Variants in HMGCLL1 observed in about 807,000 individuals in gnomAD.
The protein encoded by HMGCLL1 is 3-hydroxy-3-methylglutaryl-CoA lyase like 1, also known as 3-hydroxymethyl-3-methylglutaryl-CoA lyase, cytoplasmic.
In HMGCLL1, 36 loss-of-function variants were observed where a neutral mutation model predicts 39.1. The ratio of observed to expected loss-of-function variants is 0.92; its 90% CI spans 0.71 to 1.22. HMGCLL1 has a LOEUF of 1.22. Among genes scored for constraint, HMGCLL1 ranks in the 50% most tolerant of loss-of-function variants. The pLI, the probability that HMGCLL1 is intolerant of heterozygous loss-of-function variation, is 0.00. For synonymous variants in HMGCLL1, 149 were observed against 144.0 expected, an observed-to-expected ratio of 1.03 and a Z score of -0.25; for missense variants, 451 against 416.5, an observed-to-expected ratio of 1.08 and a Z score of -0.72.
intron 8 of HMGCLL1, among the ~76,000 whole-genome samples, chr6:55,438,983 C>G (rs570955162): frequency 6.6e-6 from 1 of 152,042 alleles, no homozygotes; most frequent in South Asian, 2.1e-4. Flanking sequence ...TATGAAGCTC[C>G]CCTCTTTCAC....
At chr6:55,513,203 T>G (rs1387921479) in intron 5 of HMGCLL1, 1 of 152,104 alleles carries the variant, frequency 6.6e-6, no homozygotes, top group African/African-American at 2.4e-5. Context: ...CAAAATCACA[T>G]AATCTTTCAA....
chr6:55,452,766 CT>C, intron 7 of HMGCLL1, among the ~76,000 whole-genome samples: 1 of 152,200 alleles, frequency 6.6e-6, no homozygotes, highest in Admixed American at 6.5e-5. Flanking sequence ...ATAAATTTTC[CT>C]TTTTTGTTTA....
intron 3 of HMGCLL1, among the ~76,000 whole-genome samples, chr6:55,525,186 C>T (rs9464261): frequency 0.014 from 1,873 of 134,846 alleles, 28 homozygotes; most frequent in African/African-American, 0.048. Flanking sequence ...CGACACCCAC[C>T]GGGATATGGA....
intron 1 of HMGCLL1, among the ~76,000 whole-genome samples, chr6:55,543,506 C>CAT (rs1237067905): frequency 7.8e-4 from 39 of 49,738 alleles, no homozygotes; most frequent in East Asian, 1.0e-3. Flanking sequence ...TCATATATAT[C>CAT]ATATATAATA....
the HMGCLL1 span, among the ~76,000 whole-genome samples, chr6:55,606,252 A>C: frequency 6.6e-6 from 1 of 152,194 alleles, no homozygotes; most frequent in Non-Finnish European, 1.5e-5. Context: ...ACAATAAGTA[A>C]AAATTAATAT....
At chr6:55,614,484 T>C in the HMGCLL1 span, among the ~76,000 whole-genome samples, 2 of 152,140 alleles carry the variant, frequency 1.3e-5, no homozygotes, top group Admixed American at 6.6e-5. Context: ...TTTAAGTCAC[T>C]GAGTCTATGG....
chr6:55,632,298 C>T, the HMGCLL1 span, among the ~76,000 whole-genome samples: 1 of 151,652 alleles, frequency 6.6e-6, no homozygotes, highest in Non-Finnish European at 1.5e-5. Flanking sequence ...TCTAAGGATT[C>T]TTATAAGGAG....
chr6:55,561,044 A>G (rs1465956681), intron 1 of HMGCLL1, among the ~76,000 whole-genome samples: 2 of 152,178 alleles, frequency 1.3e-5, no homozygotes, highest in Non-Finnish European at 2.9e-5. Context: ...CTCTAACACA[A>G]TTCATCGGGT....
chr6:55,675,230 T>G, the HMGCLL1 span, among the ~76,000 whole-genome samples: 2 of 152,114 alleles, frequency 1.3e-5, no homozygotes, highest in Non-Finnish European at 2.9e-5. Context: ...TAGTAAATTT[T>G]ATCTTTGTAT....
chr6:55,610,158 G>C, the HMGCLL1 span, among the ~76,000 whole-genome samples: 2 of 152,010 alleles, frequency 1.3e-5, no homozygotes, highest in African/African-American at 4.8e-5. Context: ...CTCCAGCTAG[G>C]GTACAGAACT....
In HMGCLL1 at chr6:55,528,506, C is replaced by T. The variant is rs546070526; in HGVS notation, c.298-11903G>A. ...GTAACCCTGTCTCATTCACAGACTC[C>T]TTGCACAAACCCCATATATCTTAGC... On this transcript the variant is annotated intron_variant, in intron 3 of 8. Transcript: ENST00000274901. Among the ~76,000 whole-genome samples the T allele has an allele frequency of 2.6e-5, 4 of 152,082 alleles. No individual in the cohort carries two copies. The East Asian group carries it at 7.8e-4, about 30-fold the overall frequency.
At chr6:55,472,870 A>G (rs1035471095) in intron 7 of HMGCLL1, among the ~76,000 whole-genome samples, 2 of 151,482 alleles carry the variant, frequency 1.3e-5, no homozygotes, top group African/African-American at 4.8e-5. Flanking sequence ...AAACTATAAT[A>G]GTGAATCTGC....
intron 3 of HMGCLL1, among the ~76,000 whole-genome samples, chr6:55,530,247 T>C (rs1195971782): frequency 1.3e-5 from 2 of 152,126 alleles, no homozygotes; most frequent in Non-Finnish European, 2.9e-5. Flanking sequence ...GTAGTATTAG[T>C]GCTATAAGGT....
intron 7 of HMGCLL1, among the ~76,000 whole-genome samples, chr6:55,442,546 T>C (rs1460671757): frequency 1.3e-5 from 2 of 152,138 alleles, no homozygotes; most frequent in African/African-American, 4.8e-5. Context: ...AAAAGGATAC[T>C]TACAAAATCT....
chr6:55,451,134 G>C (rs916009851), intron 7 of HMGCLL1, among the ~76,000 whole-genome samples: 7 of 151,558 alleles, frequency 4.6e-5, no homozygotes, highest in Admixed American at 1.3e-4. Context: ...AAGAGAATGA[G>C]AGAGACCACA....
the HMGCLL1 span, among the ~76,000 whole-genome samples, chr6:55,584,522 A>G: frequency 6.6e-6 from 1 of 152,158 alleles, no homozygotes; most frequent in East Asian, 1.9e-4. Context: ...GGCACTGTCT[A>G]TATTCTAGAC....
chr6:55,450,867 A>G (rs1400377536), intron 7 of HMGCLL1, among the ~76,000 whole-genome samples: 1 of 152,200 alleles, frequency 6.6e-6, no homozygotes, highest in Admixed American at 6.5e-5. Context: ...GTGTAAGGAG[A>G]GACAATACAT....
At chr6:55,527,169 A>C (rs1346280484) in intron 3 of HMGCLL1, among the ~76,000 whole-genome samples, 4 of 152,072 alleles carry the variant, frequency 2.6e-5, no homozygotes, top group African/African-American at 7.2e-5. Flanking sequence ...TGTGCATCAG[A>C]ATATCAAAGG....
intron 7 of HMGCLL1, among the ~76,000 whole-genome samples, chr6:55,440,730 G>C (rs1763560181): frequency 6.6e-6 from 1 of 152,102 alleles, no homozygotes; most frequent in Non-Finnish European, 1.5e-5. Context: ...CTCAATCACA[G>C]GTTACTGCTA....
Sources: gnomAD v4.1 joint callset for allele counts (sites outside exome capture counted in the v4.1 genomes callset) on GRCh38, gnomAD v4.1.1 for gene constraint, MANE v1.5 for transcripts, NCBI Gene and HGNC (gene_info 2026-07-23, HGNC 2026-07-21) for gene names.